The following LAX1 variants were observed in gnomAD, a reference collection of about 807,000 sequenced individuals.
LAX1 encodes the protein lymphocyte transmembrane adaptor 1, also known as lymphocyte transmembrane adapter 1.
LAX1 carries 17 observed loss-of-function variants against 20.7 expected under a neutral mutation model. The ratio of observed to expected loss-of-function variants is 0.82; its 90% confidence interval spans 0.56 to 1.23. LAX1 has a LOEUF of 1.23. Among genes scored for constraint, LAX1 ranks in the 50% most tolerant of loss-of-function variants. The pLI is 0.00. For synonymous variants in LAX1, 165 were observed against 181.0 expected (o/e 0.91, Z 0.71); for missense variants, 470 against 487.0 (o/e 0.97, Z 0.33).
intron 3 of LAX1, 62 bp downstream of exon 3, chr1:203,771,539 C>T (rs1667422735): frequency 2.0e-6 from 2 of 1,008,092 alleles, no homozygotes; most frequent in Admixed American, 3.4e-5. Flanking sequence ...CAGAATGTGC[C>T]TCTCACCCTC....
intron 1 of LAX1, chr1:203,769,795 T>TGGGGGGGGGG (rs1558070185): frequency 3.1e-5 from 2 of 65,248 alleles, no homozygotes. Context: ...CGGCGGGGGG[T>TGGGGGGGGGG]GGGGGGTGTT....
Position 203,771,422 on chromosome 1 carries a change from C to A in LAX1, c.255C>A (p.Thr85=), listed in dbSNP as rs78993747. 2.7e-3 allele frequency: 4,300 copies of A among 1,614,006 alleles called. 104 individuals are homozygous for A. The African/African-American group carries it at 0.048, about 18-fold the overall frequency. The change falls in exon 3 of 5, where the codon ACC becomes ACA. Residue 85 remains threonine, a synonymous_variant. Transcript: ENST00000442561. Reference sequence around the variant, plus strand: ...TGCCCTTGCTGACTTTGCCACAAACCAGACAAAGAGCCAAAAATATTTATG... The same window carrying A: ...TGCCCTTGCTGACTTTGCCACAAACAAGACAAAGAGCCAAAAATATTTATG... ...TVMPLLTLPQ[T]RQRAKNIYDI... is the part of the protein sequence containing the mutation.
chr1:203,775,400 A>T lies in LAX1; in HGVS notation c.*719A>T, dbSNP rs201519369. On this transcript the variant is annotated 3_prime_UTR_variant, in exon 5 of 5. Coordinates refer to ENST00000442561, the MANE Select transcript of LAX1 (RefSeq NM_017773.4). ...AGAGCGAGACTCCCTCTCAAAAAAA[A>T]AAACAAACAAAAAAGAAGTGTGGGC... 2.1e-4 allele frequency: 10 copies of T among 48,308 alleles called. No individual in the cohort carries two copies. Among genetic ancestry groups the T allele is most frequent in the Non-Finnish European group, 4.1e-4 (10 of 24,610 alleles). 3.0% of individuals were successfully genotyped at this position (48,308 alleles called of 1,614,324 possible).
In LAX1 at chr1:203,774,312, C is replaced by T; in HGVS notation, c.828C>T (p.Leu276=). ...NDYVNMTGLD[L]SAIQERQLWV... is the part of the protein sequence containing the mutation. Reference sequence around the variant, plus strand: ...ATGTCAACATGACAGGGTTGGATCTCAGTGCCATCCAGGAAAGGCAGCTCT... The same window carrying T: ...ATGTCAACATGACAGGGTTGGATCTTAGTGCCATCCAGGAAAGGCAGCTCT... The change falls in exon 5 of 5, where the codon CTC becomes CTT. Residue 276 remains leucine, a synonymous_variant. Coordinates refer to ENST00000442561, the MANE Select transcript of LAX1 (RefSeq NM_017773.4). 2 of 1,614,200 alleles carry T rather than the reference C, an allele frequency of 1.2e-6. No homozygotes were observed. Among genetic ancestry groups the T allele is most frequent in the Non-Finnish European group, 1.7e-6 (2 of 1,180,036 alleles).
At chr1:203,770,457 G>GAGAGAGAGAGAGAGAGAGAGAGA (rs55910139) in intron 1 of LAX1, among the ~76,000 whole-genome samples, 5 of 28,960 alleles carry the variant, frequency 1.7e-4, no homozygotes, top group East Asian at 8.8e-4. Context: ...GAGAGAGAAA[G>GAGAGAGAGAGAGAGAGAGAGAGA]GAAGGAAGGA....
intron 4 of LAX1, among the ~76,000 whole-genome samples, chr1:203,773,235 G>A (rs1667450010): frequency 6.6e-6 from 1 of 152,054 alleles, no homozygotes; most frequent in African/African-American, 2.4e-5. Flanking sequence ...GTTGTTATAG[G>A]ACCAACAGGT....
rs1431371856 is a variant in LAX1, at chr1:203,774,577, A to G, written c.1093A>G (p.Met365Val). 3.1e-6 allele frequency: 5 copies of G among 1,614,192 alleles called. No individual in the cohort carries two copies. The highest frequency in any genetic ancestry group is 4.2e-6 in the Non-Finnish European group (5 of 1,180,030). ...CAGTCAGATGAAACATAGAGAAGAG[A>G]TGTCAAATGAGGACTCCAGTGACTA... ...EDSQMKHREE[M>V]SNEDSSDYEN... The change falls in exon 5 of 5, where the codon ATG becomes GTG. Residue 365 changes from methionine (M) to valine (V), a missense_variant. Transcript: ENST00000442561.
chr1:203,766,658 A>G (rs931094580), intron 1 of LAX1, among the ~76,000 whole-genome samples: 3 of 152,214 alleles, frequency 2.0e-5, no homozygotes, highest in African/African-American at 4.8e-5. Context: ...AAAATTATAT[A>G]TATTTATCAT....
At position 203,772,068 on chromosome 1, in the gene LAX1, G is replaced by C; in HGVS notation, c.311G>C (p.Gly104Ala). The change falls in exon 4 of 5, where the codon GGG (glycine) becomes GCG (alanine). Residue 104 changes from glycine (G) to alanine (A), a missense_variant and splice_region_variant. Physicochemically the swap from Gly to Ala is moderately conservative, Grantham distance 60 (BLOSUM62 0). Coordinates refer to ENST00000442561, the MANE Select transcript of LAX1 (RefSeq NM_017773.4). ...DILPWRQEDL[G>A]RHESRSMRIF... Reference sequence around the variant, plus strand: ...CAGGATTTGTTCTCTGTCCTTTCAGGGAGACATGAGTCGAGGAGTATGCGC... The same window carrying C: ...CAGGATTTGTTCTCTGTCCTTTCAGCGAGACATGAGTCGAGGAGTATGCGC... 6.2e-7 allele frequency: 1 copy of C among 1,613,054 alleles called. No homozygotes were observed. Among genetic ancestry groups the C allele is most frequent in the African/African-American group, 1.3e-5 (1 of 75,028 alleles).
rs903927198 is a variant in LAX1, at chr1:203,774,146, G to A, written c.662G>A (p.Ser221Asn). ...SPSRNLFVLP[S>N]TQKLEFTEER... ...TCCAGAAATCTCTTTGTTCTTCCCA[G>A]TACCCAGAAGCTGGAGTTTACTGAG... Residue 221 changes from serine to asparagine, a missense_variant, in exon 5 of 5, where the codon AGT becomes AAT. Coordinates refer to ENST00000442561, the MANE Select transcript of LAX1 (RefSeq NM_017773.4). 6.2e-7 allele frequency: 1 copy of A among 1,614,090 alleles called. No individual in the cohort carries two copies. The highest frequency in any genetic ancestry group is 8.5e-7 in the Non-Finnish European group (1 of 1,180,054).
chr1:203,770,454 AAAGGAAGGAAGGAAGGAAGGAAGGAAGG>A lies in LAX1; in HGVS notation c.90-342_90-315del, dbSNP rs767611921. Among the ~76,000 whole-genome samples the A allele has an allele frequency of 4.1e-4, 9 of 21,892 alleles. 1 individual carries two copies. The highest frequency in any genetic ancestry group is 1.7e-3 in the Admixed American group (2 of 1,186). The allele number at this position is 21,892 out of a possible 152,430, so 14.4% of individuals were successfully genotyped here. ...AAGAAAGAGAGAGAGAGAGAGAGAG[AAAGGAAGGAAGGAAGGAAGGAAGGAAGG>A]AAGGAAGGAAGGAAGGAAGGAAGGA... is the stretch of plus-strand genomic sequence containing the variant. On this transcript the variant is annotated intron_variant, in intron 1 of 4. Transcript: ENST00000442561.
chr1:203,770,510 GAAGAAAGAAAGAAAGAAAGA>G (rs1326354763), intron 1 of LAX1, among the ~76,000 whole-genome samples: 2 of 16,886 alleles, frequency 1.2e-4, no homozygotes, highest in African/African-American at 2.1e-4. Context: ...AGGAAGGAAG[GAAGAAAGAAAGAAAGAAAGA>G]AAGAAAGAAA....
rs757049023 is a variant in LAX1, at chr1:203,773,898, C to T, written c.414C>T (p.Phe138=). The change falls in exon 5 of 5, where the codon TTC becomes TTT. Residue 138 remains phenylalanine (F), a synonymous_variant. Coordinates refer to ENST00000442561, the MANE Select transcript of LAX1 (RefSeq NM_017773.4). The part of the protein sequence containing the change: ...EHVPSQAGNA[F]QEHTAHIHAT... Reference sequence around the variant, plus strand: ...AGCCCTCCCAAGCAGGCAATGCCTTCCAGGAGCATACAGCCCACATCCATG... The same window carrying T: ...AGCCCTCCCAAGCAGGCAATGCCTTTCAGGAGCATACAGCCCACATCCATG... 1 of 1,612,366 alleles carries T rather than the reference C, an allele frequency of 6.2e-7. No homozygotes were observed. Among genetic ancestry groups the T allele is most frequent in the East Asian group, 2.2e-5 (1 of 44,810 alleles).
Position 203,771,311 on chromosome 1 carries a change from T to G in LAX1, c.200-56T>G, listed in dbSNP as rs570053663. 7.0e-5 allele frequency: 77 copies of G among 1,092,538 alleles called. No homozygotes were observed. In the South Asian group the frequency reaches 9.2e-4, roughly 13 times the overall value. The allele number at this position is 1,092,538 out of a possible 1,614,324, so 67.7% of individuals were successfully genotyped here. ...GGGCCATCTCATTCCCATGAGTCTCTTCACTCTGTGCAGCTGACCCCCGCC... is the reference window on the plus strand; with the variant it reads ...GGGCCATCTCATTCCCATGAGTCTCGTCACTCTGTGCAGCTGACCCCCGCC... On this transcript the variant is annotated intron_variant, in intron 2 of 4. Transcript: ENST00000442561.
At position 203,770,852 on chromosome 1, in the gene LAX1, C is replaced by A. The variant is rs1426434511; in HGVS notation, c.114C>A (p.Ile38=). 25 of 1,613,998 alleles carry A rather than the reference C, an allele frequency of 1.5e-5. No homozygotes were observed. Among genetic ancestry groups the A allele is most frequent in the Non-Finnish European group, 2.1e-5 (25 of 1,179,964 alleles). The part of the protein sequence containing the change: ...LDRNKDQITN[I]FSGFAGLLAI... ...GAAATAAAGACCAGATCACCAACAT[C>A]TTTTCCGGGTTTGCGGGACTCCTCG... Residue 38 remains isoleucine, a synonymous_variant, in exon 2 of 5, where the codon ATC becomes ATA. Transcript: ENST00000442561.
rs1489546801 is a variant in LAX1, at chr1:203,775,749, G to A, written c.*1068G>A. 1 of 152,150 alleles carries A rather than the reference G, an allele frequency of 6.6e-6. No homozygotes were observed. The highest frequency in any genetic ancestry group is 1.5e-5 in the Non-Finnish European group (1 of 68,030). 9.4% of individuals were successfully genotyped at this position (152,150 alleles called of 1,614,324 possible). ...TTATCCATACTCAACAGTAAAAAAT[G>A]AACTCTTGGTTCACACAATAATATA... is the stretch of plus-strand genomic sequence containing the variant. On this transcript the variant is annotated 3_prime_UTR_variant, in exon 5 of 5. Coordinates refer to ENST00000442561, the MANE Select transcript of LAX1 (RefSeq NM_017773.4).
Position 203,772,158 on chromosome 1 carries a change from A to T in LAX1, c.390+11A>T. The T allele has an allele frequency of 6.2e-7, 1 of 1,600,062 alleles. No homozygotes were observed. Among genetic ancestry groups the T allele is most frequent in the South Asian group, 1.1e-5 (1 of 90,834 alleles). ...AGCCCGGAGCATGTGGTAAGAGTCA[A>T]GCTTCTTGGGAGAATGACATGTCTC... is the stretch of plus-strand genomic sequence containing the variant. On this transcript the variant is annotated intron_variant, in intron 4 of 4. Coordinates refer to ENST00000442561, the MANE Select transcript of LAX1 (RefSeq NM_017773.4).
chr1:203,774,017 C>T lies in LAX1; in HGVS notation c.533C>T (p.Ala178Val), dbSNP rs144570203. The T allele has an allele frequency of 6.7e-5, 108 of 1,614,102 alleles. No individual in the cohort carries two copies. The African/African-American group carries it at 1.3e-3, about 19-fold the overall frequency. The stretch of plus-strand genomic sequence containing the variant: ...TCGGCACACTGCATCAATGTCAGAG[C>T]TTCCAGAGACTGCGCAAGCATTTCT... ...TPSAHCINVR[A>V]SRDCASISSE... The change falls in exon 5 of 5, where the codon GCT (alanine) becomes GTT (valine). Residue 178 changes from alanine to valine, a missense_variant. Coordinates refer to ENST00000442561, the MANE Select transcript of LAX1 (RefSeq NM_017773.4).
At chr1:203,767,303 C>CTTTTTTTTTTTTTTTGTTTTTTTTTTT (rs1667321069) in intron 1 of LAX1, among the ~76,000 whole-genome samples, 1 of 90,450 alleles carries the variant, frequency 1.1e-5, no homozygotes, top group Non-Finnish European at 2.0e-5. Context: ...CTCTCCACTT[C>CTTTTTTTTTTTTTTTGTTTTTTTTTTT]TTTTTTTTTT....
Sources: gnomAD v4.1 joint callset for allele counts (sites outside exome capture counted in the v4.1 genomes callset) on GRCh38, gnomAD v4.1.1 for gene constraint, MANE v1.5 for transcripts, NCBI Gene and HGNC (gene_info 2026-07-23, HGNC 2026-07-21) for gene names.